KCTD19: variants seen among roughly 807,000 people sequenced by gnomAD.
KCTD19 encodes BTB/POZ domain-containing protein KCTD19.
In KCTD19, 67 loss-of-function variants were observed where a neutral mutation model predicts 103.5. The observed-to-expected ratio is 0.65, with a 90% confidence interval of 0.53 to 0.79. The LOEUF is 0.79. KCTD19 is among the 30% of genes least tolerant of loss of function. The pLI is 0.00. For missense variants in KCTD19, 980 were observed against 1,136.1 expected, an observed-to-expected ratio of 0.86 and a Z score of 1.98; for synonymous variants, 439 against 452.2, an observed-to-expected ratio of 0.97 and a Z score of 0.37.
In KCTD19 at chr16:67,296,061, G is replaced by A; in HGVS notation, c.1248+98C>T. On this transcript the variant is annotated intron_variant, in intron 8 of 15. Transcript: ENST00000304372. Reference sequence around the variant, plus strand: ...CCTGGCGGGAAAGCCTTTGTTCTAAGCAAGTGCTGGAAGCTGTGTGAGGGC... The same window carrying A: ...CCTGGCGGGAAAGCCTTTGTTCTAAACAAGTGCTGGAAGCTGTGTGAGGGC... 5.1e-6 allele frequency: 4 copies of A among 779,752 alleles called. No homozygotes were observed. The South Asian group carries it at 5.5e-5, about 11-fold the overall frequency. 48.3% of individuals were successfully genotyped at this position (779,752 alleles called of 1,614,324 possible).
chr16:67,291,204 C>G (rs2036688239), intron 14 of KCTD19, 105 bp downstream of exon 14: 7 of 1,407,408 alleles, frequency 5.0e-6, no homozygotes, highest in Non-Finnish European at 6.8e-6. Flanking sequence ...TCTCCTTAAC[C>G]CCATCTTGGC....
At position 67,293,779 on chromosome 16, in the gene KCTD19, G is replaced by A; in HGVS notation, c.1983C>T (p.Ser661=). 2 of 1,613,836 alleles carry A rather than the reference G, an allele frequency of 1.2e-6. No homozygotes were observed. The highest frequency in any genetic ancestry group is 1.7e-5 in the Admixed American group (1 of 60,020). The stretch of plus-strand genomic sequence containing the variant: ...GCTGCAGGGTGGCCTCCTCCAAGGG[G>A]CTGCTCCGTGTGGCTGTCAGTGGCT... ...EFQPLTATRS[S]PLEEATLQLP... The change falls in exon 12 of 16, where the codon AGC becomes AGT. Residue 661 remains serine (S), a synonymous_variant. Transcript: ENST00000304372. The surrounding 1 kb of genome is among the most constrained non-coding windows in gnomAD (Gnocchi z 4.0).
In KCTD19 at chr16:67,303,714, AT is replaced by A. The variant is rs2036862194; in HGVS notation, c.452-378del. ...AGGCACGTGCCACCACACCCAGCTA[AT>A]TTTTGTGTTTTCAGTAGAGACGGGG... On this transcript the variant is annotated intron_variant, in intron 3 of 15. Transcript: ENST00000304372. The surrounding 1 kb of genome is among the most constrained non-coding windows in gnomAD (Gnocchi z 4.3). Among the ~76,000 whole-genome samples, 1 of 151,714 alleles carries A rather than the reference AT, an allele frequency of 6.6e-6. No individual in the cohort carries two copies. Among genetic ancestry groups the A allele is most frequent in the Non-Finnish European group, 1.5e-5 (1 of 67,902 alleles).
At chr16:67,307,428 C>A (rs992665084) in intron 2 of KCTD19, among the ~76,000 whole-genome samples, 4 of 152,050 alleles carry the variant, frequency 2.6e-5, no homozygotes, top group Non-Finnish European at 5.9e-5. Context: ...ATCCTCCCAC[C>A]TCAGCCTCCC....
chr16:67,305,756 A>C (rs1407546378), intron 2 of KCTD19: 1 of 345,102 alleles, frequency 2.9e-6, no homozygotes, highest in Non-Finnish European at 5.8e-6. Context: ...GATCCTCAAA[A>C]TGGACAGGTG....
chr16:67,303,532 G>T lies in KCTD19; in HGVS notation c.452-195C>A. On this transcript the variant is annotated intron_variant, in intron 3 of 15. Transcript: ENST00000304372. The surrounding 1 kb of genome is among the most constrained non-coding windows in gnomAD (Gnocchi z 4.3). ...CCTAAGGAGTGTGGTAGGGAGTGGG[G>T]CATGGAAGTCTATTTTTTTTTCTTT... Among the ~76,000 whole-genome samples the T allele has an allele frequency of 6.6e-6, 1 of 150,734 alleles. No individual in the cohort carries two copies. The highest frequency in any genetic ancestry group is 1.9e-4 in the East Asian group (1 of 5,194).
chr16:67,308,794 C>G (rs1470872533), intron 2 of KCTD19, among the ~76,000 whole-genome samples: 1 of 152,118 alleles, frequency 6.6e-6, no homozygotes, highest in Non-Finnish European at 1.5e-5. Flanking sequence ...GATGCATCCC[C>G]ATTTTGTGTT....
At chr16:67,298,089 G>A (rs1753612584) in intron 6 of KCTD19, among the ~76,000 whole-genome samples, 1 of 151,190 alleles carries the variant, frequency 6.6e-6, no homozygotes, top group African/African-American at 2.4e-5. Context: ...CGCCTCCAGG[G>A]TTCATGCCAT....
Position 67,303,116 on chromosome 16 carries a change from CCCCCA to C in KCTD19, c.643+25_643+29del. 2 of 462,860 alleles carry C rather than the reference CCCCCA, an allele frequency of 4.3e-6. No homozygotes were observed. The highest frequency in any genetic ancestry group is 8.3e-6 in the Non-Finnish European group (2 of 241,384). 28.7% of individuals were successfully genotyped at this position (462,860 alleles called of 1,614,324 possible). Reference sequence around the variant, plus strand: ...GGGTGAATGGGCCCTATCAGCCCGCCCCCCACCCCACCCCGGACAGAGCAATCACC... The same window carrying C: ...GGGTGAATGGGCCCTATCAGCCCGCCCCCCACCCCGGACAGAGCAATCACC... On this transcript the variant is annotated intron_variant, in intron 4 of 15. Coordinates refer to ENST00000304372, the MANE Select transcript of KCTD19 (RefSeq NM_001100915.3). The surrounding 1 kb of genome is among the most constrained non-coding windows in gnomAD (Gnocchi z 4.3).
chr16:67,310,823 C>T (rs2036941500), intron 2 of KCTD19, among the ~76,000 whole-genome samples: 1 of 152,188 alleles, frequency 6.6e-6, no homozygotes, highest in African/African-American at 2.4e-5. Context: ...GGTAAAGGAG[C>T]TTGGGGGAAC....
chr16:67,294,210 G>C (rs1397337527), intron 11 of KCTD19, 39 bp from the exon 12 acceptor site: 2 of 1,569,836 alleles, frequency 1.3e-6, no homozygotes, highest in African/African-American at 2.7e-5. Context: ...GATAGGTTGG[G>C]CATGGACATC....
chr16:67,308,214 G>A (rs1019772226), intron 2 of KCTD19, among the ~76,000 whole-genome samples: 4 of 144,004 alleles, frequency 2.8e-5, no homozygotes, highest in Non-Finnish European at 6.0e-5. Flanking sequence ...CCAAGCTGGA[G>A]TGCAGTCGTA....
chr16:67,294,588 T>G lies in KCTD19; in HGVS notation c.1582A>C (p.Thr528Pro). The change falls in exon 11 of 16, where the codon ACT becomes CCT. Residue 528 changes from threonine to proline, a missense_variant. Transcript: ENST00000304372. ...AGGAGGCTGGTGCTTACTTCTTTAG[T>G]GTCTCTACTGAACTCCACCAGTGAC... ...PGSLVEFSRD[T>P]KETTAYMPVD... 6.2e-7 allele frequency: 1 copy of G among 1,608,866 alleles called. No homozygotes were observed. The highest frequency in any genetic ancestry group is 8.5e-7 in the Non-Finnish European group (1 of 1,175,126).
intron 10 of KCTD19, 33 bp from the exon 11 acceptor site, chr16:67,294,727 A>G (rs2142502991): frequency 2.0e-6 from 3 of 1,464,716 alleles, no homozygotes; most frequent in East Asian, 2.3e-5. Context: ...GTTAGTGAGT[A>G]GAGACTTCCA....
rs764697551 is a variant in KCTD19, at chr16:67,326,700, C to A, written c.3+5G>T. 4.4e-6 allele frequency: 7 copies of A among 1,580,138 alleles called. No individual in the cohort carries two copies. In the South Asian group the frequency reaches 7.9e-5, roughly 18 times the overall value. On this transcript the variant is annotated splice_donor_5th_base_variant and intron_variant, in intron 1 of 15. Transcript: ENST00000304372. Reference sequence around the variant, plus strand: ...TTGGCGCCCCCGCCAGAGCGGGCTCCGTACCATGGTCGCGGCTCCAGCAGC... The same window carrying A: ...TTGGCGCCCCCGCCAGAGCGGGCTCAGTACCATGGTCGCGGCTCCAGCAGC...
intron 1 of KCTD19, among the ~76,000 whole-genome samples, chr16:67,324,177 T>A (rs1321870886): frequency 1.3e-5 from 2 of 152,226 alleles, no homozygotes; most frequent in African/African-American, 4.8e-5. Context: ...CATCTATTTA[T>A]AAGTGAATTG....
At chr16:67,294,271 C>G (rs527316881) in intron 11 of KCTD19, 100 bp from the exon 12 acceptor site, 3 of 1,262,660 alleles carry the variant, frequency 2.4e-6, no homozygotes, top group East Asian at 4.7e-5. Context: ...TTCACTTGCT[C>G]TCCCTGAACA....
intron 5 of KCTD19, 83 bp from the exon 6 acceptor site, chr16:67,299,656 T>C: frequency 8.9e-7 from 1 of 1,121,590 alleles, no homozygotes; most frequent in Non-Finnish European, 1.3e-6. Flanking sequence ...TTCCTACTGC[T>C]GCCTCCATTG....
intron 12 of KCTD19, 83 bp from the exon 13 acceptor site, chr16:67,291,920 C>T: frequency 1.1e-6 from 1 of 940,968 alleles, no homozygotes. Context: ...GTTGCCCAGG[C>T]TGGAGTGCAA....
Sources: allele counts gnomAD v4.1 joint callset (sites outside exome capture counted in the v4.1 genomes callset), GRCh38; gene constraint gnomAD v4.1.1; non-coding constraint Gnocchi (gnomAD v3.1); transcripts MANE v1.5; gene names NCBI Gene and HGNC (gene_info 2026-07-23, HGNC 2026-07-21).